GMDS: variants seen among roughly 807,000 people sequenced by gnomAD.
The protein encoded by GMDS is GDP-mannose 4,6-dehydratase.
A neutral mutation model predicts 49.9 loss-of-function variants in GMDS; 20 were observed. The ratio of observed to expected loss-of-function variants is 0.40; its 90% CI spans 0.28 to 0.58. GMDS has a LOEUF of 0.58. Ranked by LOEUF, GMDS falls within the 20% of genes least tolerant of loss-of-function variation. The probability of loss-of-function intolerance (pLI) is 0.42; values close to 1 mark genes in which losing one functional copy is unlikely to be tolerated. For missense variants in GMDS, 362 were observed against 481.4 expected (o/e 0.75, Z 2.32); for synonymous variants, 177 against 178.6 (o/e 0.99, Z 0.07).
intron 4 of GMDS, among the ~76,000 whole-genome samples, chr6:1,970,322 C>T (rs941697264): frequency 2.0e-5 from 3 of 152,194 alleles, no homozygotes; most frequent in African/African-American, 7.2e-5. Context: ...AACAATAAAA[C>T]CTTACGTTCC....
intron 1 of GMDS, among the ~76,000 whole-genome samples, chr6:2,146,955 ATAT>A (rs1286105761): frequency 6.6e-6 from 1 of 152,222 alleles, no homozygotes; most frequent in African/African-American, 2.4e-5. Context: ...GAGGAAAGTG[ATAT>A]TATTCTTGGT....
intron 1 of GMDS, among the ~76,000 whole-genome samples, chr6:2,190,090 G>A (rs1369062252): frequency 6.6e-6 from 1 of 152,122 alleles, no homozygotes; most frequent in Non-Finnish European, 1.5e-5. Context: ...TCAGCCAACG[G>A]AAAACATTCA....
intron 1 of GMDS, among the ~76,000 whole-genome samples, chr6:2,242,515 G>A (rs575594068): frequency 1.2e-4 from 19 of 152,350 alleles, no homozygotes; most frequent in Non-Finnish European, 1.9e-4. Context: ...ATTCTCAAGC[G>A]GGAATTTGGG....
intron 1 of GMDS, among the ~76,000 whole-genome samples, chr6:2,223,396 T>C (rs1048807792): frequency 6.6e-6 from 1 of 151,706 alleles, no homozygotes; most frequent in Non-Finnish European, 1.5e-5. Flanking sequence ...CACCAATAGT[T>C]TAAGCTGAGG....
chr6:1,851,886 C>T (rs1561845538), intron 7 of GMDS, among the ~76,000 whole-genome samples: 1 of 152,200 alleles, frequency 6.6e-6, no homozygotes, highest in Non-Finnish European at 1.5e-5. Flanking sequence ...CCACAGCAGA[C>T]ATCCGGAGCA....
At chr6:1,660,797 T>C (rs1404094565) in intron 9 of GMDS, among the ~76,000 whole-genome samples, 1 of 146,772 alleles carries the variant, frequency 6.8e-6, no homozygotes, top group African/African-American at 2.5e-5. Flanking sequence ...CAGGAGATGT[T>C]GGCGGCAAAG....
chr6:2,013,161 C>G (rs908482607), intron 4 of GMDS, among the ~76,000 whole-genome samples: 20 of 152,164 alleles, frequency 1.3e-4, no homozygotes, highest in African/African-American at 4.3e-4. Context: ...TGGATTACAA[C>G]TGAGAGAGCA....
intron 9 of GMDS, among the ~76,000 whole-genome samples, chr6:1,629,536 A>G (rs1047081009): frequency 2.0e-5 from 3 of 152,148 alleles, no homozygotes; most frequent in Admixed American, 6.5e-5. Flanking sequence ...GTGGAGAGGA[A>G]GTGGCAGAGG....
At chr6:1,901,149 C>T (rs745719247) in intron 7 of GMDS, among the ~76,000 whole-genome samples, 15 of 152,246 alleles carry the variant, frequency 9.9e-5, no homozygotes, top group Non-Finnish European at 1.8e-4. Flanking sequence ...GGTTCCGTGG[C>T]TCCCGGCTCT....
intron 1 of GMDS, among the ~76,000 whole-genome samples, chr6:2,221,473 C>T (rs1039615823): frequency 2.6e-5 from 4 of 152,122 alleles, no homozygotes; most frequent in Non-Finnish European, 4.4e-5. Flanking sequence ...CTCCGCCTCC[C>T]GGCCTCCCGG....
chr6:2,051,719 C>T (rs1342799932), intron 4 of GMDS, among the ~76,000 whole-genome samples: 2 of 152,102 alleles, frequency 1.3e-5, no homozygotes, highest in East Asian at 1.9e-4. Context: ...GTGCCATATA[C>T]CCTAATCTAA....
At chr6:2,040,786 C>T (rs1769629334) in intron 4 of GMDS, among the ~76,000 whole-genome samples, 1 of 152,172 alleles carries the variant, frequency 6.6e-6, no homozygotes, top group Non-Finnish European at 1.5e-5. Context: ...GAGGTGTCCT[C>T]CCAATACCCA....
At chr6:2,149,021 T>C (rs1342649124) in intron 1 of GMDS, among the ~76,000 whole-genome samples, 1 of 152,168 alleles carries the variant, frequency 6.6e-6, no homozygotes, top group East Asian at 1.9e-4. Flanking sequence ...GGAGAGCACC[T>C]GAGGGATCAC....
intron 7 of GMDS, among the ~76,000 whole-genome samples, chr6:1,821,912 T>C (rs920490153): frequency 6.6e-6 from 1 of 152,090 alleles, no homozygotes; most frequent in African/African-American, 2.4e-5. Context: ...ATGCAAACTA[T>C]TGTCTATTGG....
At chr6:2,061,987 A>T (rs935667215) in intron 4 of GMDS, among the ~76,000 whole-genome samples, 4 of 152,246 alleles carry the variant, frequency 2.6e-5, no homozygotes, top group African/African-American at 9.6e-5. Flanking sequence ...ACAGCAAGGT[A>T]GTTGGCCTGG....
rs1761294486 is a variant in GMDS at position 1,914,897 on chromosome 6, C to T, written c.771+15206G>A. On this transcript the variant is annotated intron_variant, in intron 7 of 10. Transcript: ENST00000380815. The stretch of plus-strand genomic sequence containing the variant: ...CTAGGCCCTCTCTCCCACACAGGCC[C>T]CCCTCCTGCTTAGGCCTGGGCAGAA... Among the ~76,000 whole-genome samples the T allele has an allele frequency of 1.3e-5, 2 of 152,324 alleles. 1 individual carries two copies. The highest frequency in any genetic ancestry group is 3.9e-4 in the East Asian group (2 of 5,176).
At chr6:1,762,447 C>G (rs930909485) in intron 7 of GMDS, among the ~76,000 whole-genome samples, 1 of 152,252 alleles carries the variant, frequency 6.6e-6, no homozygotes, top group Non-Finnish European at 1.5e-5. Context: ...AAAGGCCATG[C>G]TCGCACGGCG....
At chr6:1,731,952 G>A (rs1224738771) in intron 8 of GMDS, among the ~76,000 whole-genome samples, 1 of 152,212 alleles carries the variant, frequency 6.6e-6, no homozygotes, top group Admixed American at 6.5e-5. Context: ...GGTAAAGTTA[G>A]TGATAAGTAC....
At chr6:1,852,296 T>G (rs1757713562) in intron 7 of GMDS, among the ~76,000 whole-genome samples, 1 of 152,214 alleles carries the variant, frequency 6.6e-6, no homozygotes, top group African/African-American at 2.4e-5. Context: ...ATATGTAGTA[T>G]GCATGCCAAG....
Sources: allele counts gnomAD v4.1 joint callset (sites outside exome capture counted in the v4.1 genomes callset), GRCh38; gene constraint gnomAD v4.1.1; transcripts MANE v1.5; gene names NCBI Gene and HGNC (gene_info 2026-07-23, HGNC 2026-07-21).